Variants in PPP4R1 observed in about 807,000 individuals in gnomAD.
PPP4R1 encodes serine/threonine-protein phosphatase 4 regulatory subunit 1.
PPP4R1 carries 42 observed loss-of-function variants against 111.2 expected under a neutral mutation model. The ratio of observed to expected loss-of-function variants is 0.38; its 90% CI spans 0.29 to 0.49. The LOEUF is 0.49. Ranked by LOEUF, PPP4R1 falls within the 20% of genes least tolerant of loss-of-function variation. The pLI is 0.97. For synonymous variants in PPP4R1, 409 were observed against 405.5 expected (o/e 1.01, Z -0.10); for missense variants, 1,012 against 1,161.6 (o/e 0.87, Z 1.87).
At chr18:9,577,034 T>C (rs777744236) in intron 10 of PPP4R1, 30 bp downstream of exon 10, 2 of 1,479,788 alleles carry the variant, frequency 1.4e-6, no homozygotes, top group Non-Finnish European at 1.8e-6. Flanking sequence ...AACAAGGTTT[T>C]AAAATTAGAA....
rs1354880344 is a variant in PPP4R1, at chr18:9,547,710, T to C, written c.*79A>G. ...AAGGTCTCTCCTCCCCCGAAAGCTATCCCAGGTCACATGCGTGGCGAATGC... is the reference window on the plus strand; with the variant it reads ...AAGGTCTCTCCTCCCCCGAAAGCTACCCCAGGTCACATGCGTGGCGAATGC... On this transcript the variant is annotated 3_prime_UTR_variant, in exon 20 of 20. Transcript: ENST00000400556. 2 of 1,544,240 alleles carry C rather than the reference T, an allele frequency of 1.3e-6. No homozygotes were observed. The highest frequency in any genetic ancestry group is 1.4e-5 in the African/African-American group (1 of 73,450).
chr18:9,590,274 CA>C, intron 4 of PPP4R1: 1 of 152,160 alleles, frequency 6.6e-6, no homozygotes, highest in East Asian at 1.9e-4. Context: ...CTGTATTTTA[CA>C]AAGCTCAGAA....
At chr18:9,590,248 C>CT (rs2145228249) in intron 4 of PPP4R1, 1 of 152,186 alleles carries the variant, frequency 6.6e-6, no homozygotes, top group South Asian at 2.1e-4. Context: ...ATTAACATAC[C>CT]TTTAAGTAGA....
At chr18:9,551,988 A>G (rs1465860565) in intron 16 of PPP4R1, 1 of 152,426 alleles carries the variant, frequency 6.6e-6, no homozygotes, top group Non-Finnish European at 1.5e-5. Flanking sequence ...GACCCTGACT[A>G]GATGGACTCA....
Position 9,563,439 on chromosome 18 carries a change from T to C in PPP4R1, c.1685A>G (p.Glu562Gly). Reference protein sequence around the residue: ...SDLQDELDINELPNCKINQED... With the variant: ...SDLQDELDINGLPNCKINQED... ...TTGATTTATTTTACAATTTGGTAGC[T>C]CATTTATATCCAGTTCATCTTGCAA... The change falls in exon 12 of 20, where the codon GAG (glutamate) becomes GGG (glycine). Residue 562 changes from glutamate (E) to glycine (G), a missense_variant. Physicochemically the swap from Glu to Gly is moderately conservative, Grantham distance 98. This residue lies in a region of PPP4R1 where 707 missense variants were observed against 742.1 expected (regional missense o/e 0.95). Transcript: ENST00000400556. 1 of 1,612,160 alleles carries C rather than the reference T, an allele frequency of 6.2e-7. No homozygotes were observed. The highest frequency in any genetic ancestry group is 1.1e-5 in the South Asian group (1 of 91,034).
chr18:9,570,991 T>G (rs1459480009), intron 10 of PPP4R1, among the ~76,000 whole-genome samples: 1 of 152,132 alleles, frequency 6.6e-6, no homozygotes, highest in African/African-American at 2.4e-5. Flanking sequence ...AATAAATAAC[T>G]AAAGAAAAGT....
intron 11 of PPP4R1, among the ~76,000 whole-genome samples, chr18:9,566,893 C>T (rs1434404133): frequency 1.3e-5 from 2 of 152,220 alleles, no homozygotes; most frequent in East Asian, 3.8e-4. Context: ...TTACTGCTCA[C>T]TGACAATACA....
chr18:9,592,695 A>G (rs1377379808), intron 4 of PPP4R1, among the ~76,000 whole-genome samples: 10 of 151,660 alleles, frequency 6.6e-5, no homozygotes, highest in African/African-American at 2.4e-4. Flanking sequence ...AAAACTCTGG[A>G]GCTGGTAAAC....
chr18:9,553,258 A>T (rs1012196974), intron 16 of PPP4R1, 64 bp downstream of exon 16: 3 of 1,284,360 alleles, frequency 2.3e-6, no homozygotes, highest in Non-Finnish European at 3.3e-6. Flanking sequence ...AAACTGAGAA[A>T]ATGTAAAAAT....
intron 8 of PPP4R1, 114 bp downstream of exon 8, chr18:9,584,401 G>C (rs768923074): frequency 5.9e-5 from 51 of 864,306 alleles, no homozygotes; most frequent in Non-Finnish European, 8.1e-5. Flanking sequence ...TATCTTTCTG[G>C]TTTATATTCA....
In PPP4R1 at chr18:9,593,801, A is replaced by G. The variant is rs1310523874; in HGVS notation, c.262T>C (p.Leu88=). The change falls in exon 4 of 20, where the codon TTG becomes CTG. Residue 88 remains leucine (L), a synonymous_variant. Transcript: ENST00000400556. ...TCGGCCAATCTGCTAATTCTTTCCA[A>G]AACAGCAATACAATCTCTTTCATCA... The part of the protein sequence containing the change: ...CDDERDCIAV[L]ERISRLADDS... 6.2e-7 allele frequency: 1 copy of G among 1,613,878 alleles called. No homozygotes were observed. The highest frequency in any genetic ancestry group is 1.7e-5 in the Admixed American group (1 of 59,994).
intron 2 of PPP4R1, among the ~76,000 whole-genome samples, chr18:9,595,427 C>T (rs2067275660): frequency 6.6e-6 from 1 of 152,130 alleles, no homozygotes; most frequent in African/African-American, 2.4e-5. Flanking sequence ...AGGAAAGTGA[C>T]CAGTCTTGAG....
chr18:9,599,097 TA>T (rs778274678), intron 2 of PPP4R1, among the ~76,000 whole-genome samples: 9 of 152,148 alleles, frequency 5.9e-5, no homozygotes, highest in Non-Finnish European at 1.3e-4. Flanking sequence ...TTCAAATCTT[TA>T]AGATAACTGC....
chr18:9,568,036 T>C (rs2066797922), intron 11 of PPP4R1, among the ~76,000 whole-genome samples: 1 of 152,190 alleles, frequency 6.6e-6, no homozygotes, highest in African/African-American at 2.4e-5. Flanking sequence ...ACACAACTTT[T>C]ATAAAATTCT....
chr18:9,611,840 C>G (rs1490655179), intron 2 of PPP4R1, among the ~76,000 whole-genome samples: 2 of 151,646 alleles, frequency 1.3e-5, no homozygotes, highest in Non-Finnish European at 2.9e-5. Flanking sequence ...GGAGAAACCC[C>G]GTCTCTACTA....
intron 11 of PPP4R1, chr18:9,563,789 C>A: frequency 1.2e-5 from 4 of 324,446 alleles, no homozygotes; most frequent in African/African-American, 4.3e-5. Context: ...CATTATTCTG[C>A]GTTAGTATGA....
rs114951145 is a variant in PPP4R1, at chr18:9,555,740, G to T, written c.2190+1481C>A. 7.0e-3 allele frequency among the ~76,000 whole-genome samples: 1,072 copies of T among 152,314 alleles called. 14 individuals carry two copies. Among genetic ancestry groups the T allele is most frequent in the African/African-American group, 0.025 (1,032 of 41,568 alleles). ...TCCTCAAAAATGCCAGTGACACCTA[G>T]ATTTAAGAGGACTAAAGAAAGATAA... is the stretch of plus-strand genomic sequence containing the variant. On this transcript the variant is annotated intron_variant, in intron 15 of 19. Coordinates refer to ENST00000400556, the MANE Select transcript of PPP4R1 (RefSeq NM_001042388.3).
At chr18:9,565,095 T>C (rs2066744667) in intron 11 of PPP4R1, among the ~76,000 whole-genome samples, 1 of 152,218 alleles carries the variant, frequency 6.6e-6, no homozygotes, top group Admixed American at 6.5e-5. Flanking sequence ...ACAGCATGTG[T>C]TTACGCTGTG....
At chr18:9,614,630 G>T, upstream of PPP4R1, 1 of 280,890 alleles carries the variant, frequency 3.6e-6, no homozygotes. The surrounding 1 kb of genome is among the most constrained non-coding windows in gnomAD (Gnocchi z 4.1). Context: ...GGGGCGGGCC[G>T]AGGGCCCGGG....
Sources: gnomAD v4.1 joint callset for allele counts (sites outside exome capture counted in the v4.1 genomes callset) on GRCh38, gnomAD v4.1.1 for gene constraint, gnomAD v4.1.1 regional missense constraint, Gnocchi (gnomAD v3.1) non-coding constraint, MANE v1.5 for transcripts, NCBI Gene and HGNC (gene_info 2026-07-23, HGNC 2026-07-21) for gene names.